Variants in RANBP3L observed in about 807,000 individuals in gnomAD.
RANBP3L encodes the protein ran-binding protein 3-like.
A neutral mutation model predicts 67.2 loss-of-function variants in RANBP3L; 56 were observed. That is an observed-to-expected ratio of 0.83 (90% CI 0.67 to 1.04). The LOEUF (loss-of-function observed/expected upper bound fraction) is 1.04. Ranked by LOEUF, RANBP3L falls within the 50% of genes least tolerant of loss-of-function variation. The pLI is 0.00. For synonymous variants in RANBP3L, 164 were observed against 181.4 expected, an observed-to-expected ratio of 0.90 and a Z score of 0.77; for missense variants, 496 against 535.5, an observed-to-expected ratio of 0.93 and a Z score of 0.73.
Position 36,265,096 on chromosome 5 carries a change from G to A in RANBP3L, c.343C>T (p.Pro115Ser). 6.3e-7 allele frequency: 1 copy of A among 1,577,728 alleles called. No individual in the cohort carries two copies. Among genetic ancestry groups the A allele is most frequent in the Non-Finnish European group, 8.7e-7 (1 of 1,153,822 alleles). The change falls in exon 6 of 14, where the codon CCT becomes TCT. Residue 115 changes from proline to serine, a missense_variant and splice_region_variant. By Grantham distance (74) the Pro-to-Ser change is moderately conservative. Coordinates refer to ENST00000296604, the MANE Select transcript of RANBP3L (RefSeq NM_145000.5). ...SVDIKSAEQG[P>S]VKHSKHVIRP... ...ATAACATGTTTAGAATGTTTCACAG[G>A]ACCTTAAAAGAATAGAATTAAAGGA...
chr5:36,299,365 G>GTATATA (rs372128206), intron 1 of RANBP3L, among the ~76,000 whole-genome samples: 9 of 148,116 alleles, frequency 6.1e-5, no homozygotes, highest in East Asian at 3.9e-4. Flanking sequence ...GTGTGTGTGT[G>GTATATA]TATATATCCT....
At position 36,301,488 on chromosome 5, in the gene RANBP3L, C is replaced by T; in HGVS notation, c.-72G>A. On this transcript the variant is annotated 5_prime_UTR_variant, in exon 1 of 14. Coordinates refer to ENST00000296604, the MANE Select transcript of RANBP3L (RefSeq NM_145000.5). The stretch of plus-strand genomic sequence containing the variant: ...TTCTCTGGCCAGTCACCTAAAGTGG[C>T]CTTCACCAGACACCCAGAAATACAT... 4 of 1,122,082 alleles carry T rather than the reference C, an allele frequency of 3.6e-6. No homozygotes were observed. The highest frequency in any genetic ancestry group is 1.5e-5 in the African/African-American group (1 of 65,738). 69.5% of individuals were successfully genotyped at this position (1,122,082 alleles called of 1,614,324 possible). A position where few individuals can be genotyped will look rare whatever the true frequency, so the allele number is the denominator to read the frequency against.
At chr5:36,268,614 T>C (rs1245836422) in intron 4 of RANBP3L, among the ~76,000 whole-genome samples, 1 of 152,086 alleles carries the variant, frequency 6.6e-6, no homozygotes, top group African/African-American at 2.4e-5. Context: ...GCTTTCAGCA[T>C]AGAAGACAAG....
Position 36,268,267 on chromosome 5 carries a change from A to G in RANBP3L, c.268+1123T>C, listed in dbSNP as rs376749083. 9 of 1,526,954 alleles carry G rather than the reference A, an allele frequency of 5.9e-6. No individual in the cohort carries two copies. The South Asian group carries it at 6.2e-5, about 11-fold the overall frequency. 94.6% of individuals were successfully genotyped at this position (1,526,954 alleles called of 1,614,324 possible). A position where few individuals can be genotyped will look rare whatever the true frequency, so the allele number is the denominator to read the frequency against. ...CATTTGCTTCTGAGACAAGGTTGAC[A>G]CTAAAAGCAGATTGCAAACTAAAGT... is the stretch of plus-strand genomic sequence containing the variant. On this transcript the variant is annotated intron_variant, in intron 4 of 13. Coordinates refer to ENST00000296604, the MANE Select transcript of RANBP3L (RefSeq NM_145000.5).
At chr5:36,298,015 G>A (rs977488673) in intron 1 of RANBP3L, among the ~76,000 whole-genome samples, 1 of 151,966 alleles carries the variant, frequency 6.6e-6, no homozygotes. Context: ...ATATATATGT[G>A]TTGAGGTCAG....
At chr5:36,272,154 T>A (rs1750263063) in intron 1 of RANBP3L, among the ~76,000 whole-genome samples, 1 of 152,110 alleles carries the variant, frequency 6.6e-6, no homozygotes, top group South Asian at 2.1e-4. Context: ...ATTAAAGCAG[T>A]ACTTACCTCA....
chr5:36,278,115 C>T (rs1460138009), intron 1 of RANBP3L, among the ~76,000 whole-genome samples: 1 of 152,096 alleles, frequency 6.6e-6, no homozygotes, highest in Non-Finnish European at 1.5e-5. Context: ...GGGGACACAG[C>T]CAAACAATAT....
rs1369266819 is a variant in RANBP3L, at chr5:36,301,681, AAAACAAATTG to A, written c.-275_-266del. On this transcript the variant is annotated 5_prime_UTR_variant, in exon 1 of 14. Transcript: ENST00000296604. ...AAACACAACTTAATTCCTTCATTTC[AAAACAAATTG>A]AAACTAAACCTCCTTATAGAGTAAA... 2.6e-6 allele frequency: 1 copy of A among 378,730 alleles called. No individual in the cohort carries two copies. Among genetic ancestry groups the A allele is most frequent in the South Asian group, 6.3e-5 (1 of 15,984 alleles). The allele number at this position is 378,730 out of a possible 1,614,324, so 23.5% of individuals were successfully genotyped here. A position where few individuals can be genotyped will look rare whatever the true frequency, so the allele number is the denominator to read the frequency against.
chr5:36,272,518 A>G (rs1750292121), intron 1 of RANBP3L, among the ~76,000 whole-genome samples: 2 of 152,296 alleles, frequency 1.3e-5, no homozygotes, highest in South Asian at 4.1e-4. Flanking sequence ...ATCTTATCTC[A>G]TAAGAGTTTC....
intron 11 of RANBP3L, among the ~76,000 whole-genome samples, chr5:36,254,035 C>T (rs1039939135): frequency 2.0e-5 from 3 of 151,962 alleles, no homozygotes; most frequent in African/African-American, 7.3e-5. Context: ...AATTTTAGAA[C>T]TCCTTTTAAG....
chr5:36,268,400 A>G, intron 4 of RANBP3L: 1 of 540,852 alleles, frequency 1.8e-6, no homozygotes, highest in Admixed American at 3.7e-5. Flanking sequence ...ATTAATAAAA[A>G]TGAGTACATC....
At position 36,297,426 on chromosome 5, in the gene RANBP3L, T is replaced by TACACAC. The variant is rs35651432; in HGVS notation, c.91+3894_91+3899dup. On this transcript the variant is annotated intron_variant, in intron 1 of 13. Transcript: ENST00000296604. ...TTGTGTTGTTCAGGAGTCACCTGTA[T>TACACAC]ACACACACACACACACACACGCACA... 2.4e-3 allele frequency among the ~76,000 whole-genome samples: 365 copies of TACACAC among 149,006 alleles called. 1 individual carries two copies. The highest frequency in any genetic ancestry group is 3.9e-3 in the South Asian group (18 of 4,658).
chr5:36,266,757 C>CTTTT (rs10556207), intron 4 of RANBP3L, among the ~76,000 whole-genome samples: 4 of 148,932 alleles, frequency 2.7e-5, no homozygotes, highest in Non-Finnish European at 4.5e-5. Flanking sequence ...GTCTCTCTCA[C>CTTTT]TTTTTTTTTT....
intron 2 of RANBP3L, among the ~76,000 whole-genome samples, chr5:36,270,235 C>T (rs532787163): frequency 6.6e-5 from 10 of 152,300 alleles, no homozygotes; most frequent in African/African-American, 1.9e-4. Flanking sequence ...GAAAAAACAA[C>T]GTCTAGTCCA....
rs561871250 is a variant in RANBP3L, at chr5:36,271,551, T to G, written c.92-240A>C. 2.6e-5 allele frequency among the ~76,000 whole-genome samples: 4 copies of G among 152,310 alleles called. No homozygotes were observed. The South Asian group carries it at 8.3e-4, about 32-fold the overall frequency. On this transcript the variant is annotated intron_variant, in intron 1 of 13. Coordinates refer to ENST00000296604, the MANE Select transcript of RANBP3L (RefSeq NM_145000.5). ...TGTTTCCATAAATAGATAATCCCAT[T>G]AAAAGAACATGCTTTAAGTGTTTAA...
At chr5:36,276,387 A>T (rs940064335) in intron 1 of RANBP3L, among the ~76,000 whole-genome samples, 10 of 152,206 alleles carry the variant, frequency 6.6e-5, no homozygotes, top group African/African-American at 2.4e-4. Context: ...TTGAGAGAAC[A>T]TTCACATAAA....
At chr5:36,282,814 TCTC>T (rs946744210) in intron 1 of RANBP3L, among the ~76,000 whole-genome samples, 1 of 151,952 alleles carries the variant, frequency 6.6e-6, no homozygotes, top group Non-Finnish European at 1.5e-5. Flanking sequence ...TCATTCCTCT[TCTC>T]CTTGTGTTTG....
chr5:36,292,877 G>A (rs541287000), intron 1 of RANBP3L, among the ~76,000 whole-genome samples: 8 of 151,954 alleles, frequency 5.3e-5, no homozygotes, highest in African/African-American at 1.4e-4. Flanking sequence ...TTGACTTGGC[G>A]ATGCGGGCTC....
At chr5:36,263,195 G>C (rs1393529690) in intron 6 of RANBP3L, among the ~76,000 whole-genome samples, 1 of 152,058 alleles carries the variant, frequency 6.6e-6, no homozygotes, top group Admixed American at 6.6e-5. Context: ...TCTTTTTAAT[G>C]ATGGGCATAT....
Sources: gnomAD v4.1 joint callset for allele counts (sites outside exome capture counted in the v4.1 genomes callset) on GRCh38, gnomAD v4.1.1 for gene constraint, MANE v1.5 for transcripts, NCBI Gene and HGNC (gene_info 2026-07-23, HGNC 2026-07-21) for gene names.